MYO9B: variants seen among roughly 807,000 people sequenced by gnomAD.
The protein encoded by MYO9B is unconventional myosin-IXb.
MYO9B carries 71 observed loss-of-function variants against 229.5 expected under a neutral mutation model. The ratio of observed to expected loss-of-function variants is 0.31; its 90% CI spans 0.26 to 0.38. The LOEUF (loss-of-function observed/expected upper bound fraction) is 0.38, where lower values mean the gene tolerates loss of function less well. MYO9B is among the 10% of genes least tolerant of loss of function. MYO9B has a pLI of 1.00. For synonymous variants in MYO9B, 1,185 were observed against 1,235.8 expected (o/e 0.96, Z 0.86); for missense variants, 2,255 against 2,920.5 (o/e 0.77, Z 5.25).
rs969054627 is a variant in MYO9B, at chr19:17,172,476, A to G, written c.1934A>G (p.Lys645Arg). The change falls in exon 12 of 40, where the codon AAG becomes AGG. Residue 645 changes from lysine (K) to arginine (R), a missense_variant and splice_region_variant. Transcript: ENST00000682292. The surrounding 1 kb of genome is among the most constrained non-coding windows in gnomAD (Gnocchi z 8.2). ...HFAGKVKYQI[K>R]DFREKNMDYM... ...GCAGGGAAGGTGAAATATCAGATCA[A>G]GGTAGGTGTCTGCCCATCACCACTG... is the stretch of plus-strand genomic sequence containing the variant. 1.9e-6 allele frequency: 3 copies of G among 1,613,450 alleles called. No individual in the cohort carries two copies. The highest frequency in any genetic ancestry group is 2.5e-6 in the Non-Finnish European group (3 of 1,179,670).
Position 17,159,476 on chromosome 19 carries a change from C to G in MYO9B, c.1411C>G (p.Leu471Val). The change falls in exon 8 of 40, where the codon CTC becomes GTC. Residue 471 changes from leucine to valine, a missense_variant. Physicochemically the swap from Leu to Val is conservative, Grantham distance 32. This residue lies in a region of MYO9B where 220 missense variants were observed against 404.5 expected (regional missense o/e 0.54). Coordinates refer to ENST00000682292, the MANE Select transcript of MYO9B (RefSeq NM_004145.4). The part of the protein sequence containing the change: ...VNDKLILPYS[L>V]SEAITARDSM... The stretch of plus-strand genomic sequence containing the variant: ...CGACAAGCTTATCCTTCCCTACAGC[C>G]TCAGCGAGGTGAGCTCTGCCCAGGC... 6.2e-7 allele frequency: 1 copy of G among 1,608,108 alleles called. No individual in the cohort carries two copies. Among genetic ancestry groups the G allele is most frequent in the Non-Finnish European group, 8.5e-7 (1 of 1,177,334 alleles).
intron 32 of MYO9B, 23 bp from the exon 33 acceptor site, chr19:17,206,225 G>GCGCCC: frequency 6.4e-7 from 1 of 1,564,658 alleles, no homozygotes; most frequent in Non-Finnish European, 8.7e-7. Context: ...CCGCTCACCA[G>GCGCCC]ACCCACCCCA....
At chr19:17,154,456 CA>C in intron 6 of MYO9B, 41 bp downstream of exon 6, 1 of 1,513,454 alleles carries the variant, frequency 6.6e-7, no homozygotes, top group South Asian at 1.1e-5. Context: ...CCAGAGCCTA[CA>C]GGGGGCACGC....
intron 2 of MYO9B, among the ~76,000 whole-genome samples, chr19:17,126,667 C>CTTT (rs1555695751): frequency 1.5e-5 from 2 of 135,236 alleles, no homozygotes; most frequent in African/African-American, 2.7e-5. Flanking sequence ...TTTTTTTTTT[C>CTTT]TTTTTTTTTT....
At chr19:17,138,680 G>A (rs2145204966) in intron 2 of MYO9B, among the ~76,000 whole-genome samples, 1 of 152,322 alleles carries the variant, frequency 6.6e-6, no homozygotes, top group South Asian at 2.1e-4. Flanking sequence ...TACTGTCACA[G>A]AATATGGTTA....
In MYO9B at chr19:17,194,595, G is replaced by C. The variant is rs1454860483; in HGVS notation, c.3168G>C (p.Glu1056Asp). Residue 1056 changes from glutamate to aspartate, a missense_variant, in exon 22 of 40, where the codon GAG (glutamate) becomes GAC (aspartate). By Grantham distance (45) the Glu-to-Asp change is conservative. Coordinates refer to ENST00000682292, the MANE Select transcript of MYO9B (RefSeq NM_004145.4). ...TCTCGGAGAAGCAGAAGGCAGAAGA[G>C]AAGGAGAGGGAAGCCCTGGAAGCCG... ...QMISEKQKAE[E>D]KEREALEAAR... 13 of 1,612,864 alleles carry C rather than the reference G, an allele frequency of 8.1e-6. No homozygotes were observed. Among genetic ancestry groups the C allele is most frequent in the Non-Finnish European group, 1.1e-5 (13 of 1,179,870 alleles).
chr19:17,114,316 C>T (rs1009057150), intron 2 of MYO9B, among the ~76,000 whole-genome samples: 10 of 152,072 alleles, frequency 6.6e-5, no homozygotes, highest in South Asian at 2.1e-4. Flanking sequence ...TTGGGCGTGG[C>T]GGGAAGCAGT....
intron 22 of MYO9B, among the ~76,000 whole-genome samples, chr19:17,197,445 T>TAGATAGATACATAGATAGATAGAC: frequency 6.6e-6 from 1 of 151,176 alleles, no homozygotes; most frequent in African/African-American, 2.5e-5. Flanking sequence ...GATAGATAGA[T>TAGATAGATACATAGATAGATAGAC]AGATACATAG....
At chr19:17,148,310 G>A (rs926592345) in intron 3 of MYO9B, among the ~76,000 whole-genome samples, 3 of 152,166 alleles carry the variant, frequency 2.0e-5, no homozygotes, top group Non-Finnish European at 4.4e-5. Context: ...CATGGGCACC[G>A]CCCCCTTTCC....
intron 2 of MYO9B, among the ~76,000 whole-genome samples, chr19:17,122,167 A>G (rs2057972112): frequency 6.6e-6 from 1 of 152,196 alleles, no homozygotes; most frequent in Non-Finnish European, 1.5e-5. Flanking sequence ...CCCATGATGC[A>G]AATACGGTGC....
At chr19:17,125,253 A>T (rs1443629567) in intron 2 of MYO9B, among the ~76,000 whole-genome samples, 1 of 151,348 alleles carries the variant, frequency 6.6e-6, no homozygotes, top group East Asian at 1.9e-4. Context: ...GTGAGCCAAG[A>T]TCATGCCACT....
intron 2 of MYO9B, among the ~76,000 whole-genome samples, chr19:17,125,760 C>G (rs756630867): frequency 4.6e-5 from 7 of 152,206 alleles, no homozygotes; most frequent in Non-Finnish European, 1.0e-4. Flanking sequence ...ATCTGACCAG[C>G]AACCAGCTAT....
chr19:17,121,621 A>T (rs561117928), intron 2 of MYO9B, among the ~76,000 whole-genome samples: 1 of 152,222 alleles, frequency 6.6e-6, no homozygotes, highest in East Asian at 1.9e-4. Context: ...TGTGGTAGCT[A>T]CAGACCCTCC....
chr19:17,080,858 C>T (rs1270540647), intron 1 of MYO9B, among the ~76,000 whole-genome samples: 5 of 143,200 alleles, frequency 3.5e-5, no homozygotes, highest in Non-Finnish European at 6.0e-5. Flanking sequence ...GACAGAACGA[C>T]ACCCCCATCT....
rs1030275525 is a variant in MYO9B, at chr19:17,121,463, A to ATATATATATATATATATC, written c.840+18907_840+18908insATATATATATATATATCT. Among the ~76,000 whole-genome samples, 20 of 150,000 alleles carry ATATATATATATATATATC rather than the reference A, an allele frequency of 1.3e-4. 1 individual carries two copies. Among genetic ancestry groups the ATATATATATATATATATC allele is most frequent in the African/African-American group, 5.0e-4 (20 of 39,840 alleles). On this transcript the variant is annotated intron_variant, in intron 2 of 39. Coordinates refer to ENST00000682292, the MANE Select transcript of MYO9B (RefSeq NM_004145.4). ...ATTCCAAATATATATATATATATATATCCAAGAGCTGCCGCCACAGGATGA... is the reference window on the plus strand; with the variant it reads ...ATTCCAAATATATATATATATATATATATATATATATATATATCTCCAAGAGCTGCCGCCACAGGATGA...
intron 1 of MYO9B, among the ~76,000 whole-genome samples, chr19:17,098,081 G>A (rs2057710427): frequency 6.9e-6 from 1 of 144,850 alleles, no homozygotes; most frequent in Non-Finnish European, 1.5e-5. Flanking sequence ...TCACGATGGA[G>A]TCTCACTCTG....
chr19:17,207,015 C>T, intron 34 of MYO9B, 98 bp from the exon 35 acceptor site: 2 of 1,496,886 alleles, frequency 1.3e-6, no homozygotes, highest in South Asian at 2.4e-5. Context: ...CACTGCTTTC[C>T]CAACAGCCAC....
At chr19:17,187,894 G>A in intron 18 of MYO9B, 41 bp from the exon 19 acceptor site, 1 of 1,530,508 alleles carries the variant, frequency 6.5e-7, no homozygotes, top group East Asian at 2.5e-5. Context: ...CATCCTGTCA[G>A]GTCAAGGCCA....
At chr19:17,151,139 CGTG>C (rs1460044692) in intron 3 of MYO9B, among the ~76,000 whole-genome samples, 1 of 151,906 alleles carries the variant, frequency 6.6e-6, no homozygotes, top group Non-Finnish European at 1.5e-5. Context: ...ATTAACTGGG[CGTG>C]GTGGTGGGCG....
Sources: gnomAD v4.1 joint callset for allele counts (sites outside exome capture counted in the v4.1 genomes callset) on GRCh38, gnomAD v4.1.1 for gene constraint, gnomAD v4.1.1 regional missense constraint, Gnocchi (gnomAD v3.1) non-coding constraint, MANE v1.5 for transcripts, NCBI Gene and HGNC (gene_info 2026-07-23, HGNC 2026-07-21) for gene names.